The following CADM1 variants were observed in gnomAD, a reference collection of about 807,000 sequenced individuals.
CADM1 encodes cell adhesion molecule 1.
In CADM1, 15 loss-of-function variants were observed where a neutral mutation model predicts 53.1. That is an observed-to-expected ratio of 0.28 (90% CI 0.19 to 0.44). CADM1 has a LOEUF of 0.44. Ranked by LOEUF, CADM1 falls within the 20% of genes least tolerant of loss-of-function variation. The pLI is 1.00. For synonymous variants in CADM1, 281 were observed against 243.0 expected, an observed-to-expected ratio of 1.16 and a Z score of -1.45; for missense variants, 434 against 611.3, an observed-to-expected ratio of 0.71 and a Z score of 3.06.
chr11:115,359,616 A>AAGCTAGT (rs1200615705), intron 1 of CADM1, among the ~76,000 whole-genome samples: 1 of 152,146 alleles, frequency 6.6e-6, no homozygotes, highest in African/African-American at 2.4e-5. Flanking sequence ...ATTCAGCACC[A>AAGCTAGT]AGCTAGTGTG....
chr11:115,463,228 A>G (rs578138364), intron 1 of CADM1, among the ~76,000 whole-genome samples: 1 of 152,250 alleles, frequency 6.6e-6, no homozygotes, highest in Admixed American at 6.5e-5. Flanking sequence ...AACTCATCAA[A>G]CTTATTTTTT....
chr11:115,501,546 A>G (rs1044147085), intron 1 of CADM1, among the ~76,000 whole-genome samples: 1 of 152,218 alleles, frequency 6.6e-6, no homozygotes, highest in Non-Finnish European at 1.5e-5. Context: ...CTGTGGAGTG[A>G]GCTTAAGCAA....
rs180740268 is a variant in CADM1, at chr11:115,491,171, C to T, written c.124+13100G>A. On this transcript the variant is annotated intron_variant, in intron 1 of 11. Transcript: ENST00000331581. The stretch of plus-strand genomic sequence containing the variant: ...AGGAGAAGGGTTAAAAAAAGACAGC[C>T]GATCAGAAGCAAGGTAAGGCATGGT... Among the ~76,000 whole-genome samples, 86 of 151,900 alleles carry T rather than the reference C, an allele frequency of 5.7e-4. 1 individual carries two copies. The highest frequency in any genetic ancestry group is 6.5e-4 in the Non-Finnish European group (44 of 67,970).
At chr11:115,332,467 A>G (rs1945157068) in intron 1 of CADM1, among the ~76,000 whole-genome samples, 1 of 152,212 alleles carries the variant, frequency 6.6e-6, no homozygotes, top group Non-Finnish European at 1.5e-5. Context: ...ATCAAAAGGA[A>G]TGCTCTACTT....
intron 1 of CADM1, among the ~76,000 whole-genome samples, chr11:115,319,559 C>T (rs139323835): frequency 2.0e-5 from 3 of 151,902 alleles, no homozygotes; most frequent in Non-Finnish European, 4.4e-5. Flanking sequence ...ATATAGGTAC[C>T]CTGCCAATTC....
In CADM1 at chr11:115,267,683, T is replaced by C. The variant is rs1295337947; in HGVS notation, c.125-27263A>G. 8.9e-5 allele frequency among the ~76,000 whole-genome samples: 9 copies of C among 101,378 alleles called. No individual in the cohort carries two copies. The South Asian group carries it at 9.7e-4, about 11-fold the overall frequency. 66.5% of individuals were successfully genotyped at this position (101,378 alleles called of 152,430 possible). On this transcript the variant is annotated intron_variant, in intron 1 of 11. Transcript: ENST00000331581. ...AACTAACCTAAAATTGCTTTCTTTT[T>C]TTTTTTTTTTTTTTTCTAAAATTGC...
chr11:115,422,454 A>G (rs1453558553), intron 1 of CADM1, among the ~76,000 whole-genome samples: 1 of 152,208 alleles, frequency 6.6e-6, no homozygotes, highest in African/African-American at 2.4e-5. Flanking sequence ...GATGATCTCC[A>G]ATTACAACAC....
chr11:115,423,098 G>C (rs565131223), intron 1 of CADM1, among the ~76,000 whole-genome samples: 1 of 151,710 alleles, frequency 6.6e-6, no homozygotes, highest in Admixed American at 6.6e-5. Context: ...AGTGCCAACT[G>C]GATAAAATTT....
At chr11:115,444,347 T>C (rs1948398829) in intron 1 of CADM1, among the ~76,000 whole-genome samples, 1 of 152,310 alleles carries the variant, frequency 6.6e-6, no homozygotes, top group African/African-American at 2.4e-5. Context: ...AGTTTACTTA[T>C]TTCTTTTTAA....
At chr11:115,344,536 T>A (rs150328324) in intron 1 of CADM1, among the ~76,000 whole-genome samples, 1 of 152,120 alleles carries the variant, frequency 6.6e-6, no homozygotes, top group Non-Finnish European at 1.5e-5. Context: ...TAACTGTTCA[T>A]AGAACTCCTC....
At chr11:115,281,331 T>C (rs1454877274) in intron 1 of CADM1, among the ~76,000 whole-genome samples, 1 of 152,144 alleles carries the variant, frequency 6.6e-6, no homozygotes, top group African/African-American at 2.4e-5. Flanking sequence ...GGAGTATTAA[T>C]TCAGCCAAAA....
intron 1 of CADM1, among the ~76,000 whole-genome samples, chr11:115,400,661 G>GTATATATATATA (rs372594262): frequency 7.3e-4 from 34 of 46,542 alleles, no homozygotes; most frequent in South Asian, 8.5e-4. Flanking sequence ...GTGTGTGTGT[G>GTATATATATATA]TATATATATA....
chr11:115,484,505 T>C (rs993759877), intron 1 of CADM1, among the ~76,000 whole-genome samples: 6 of 152,210 alleles, frequency 3.9e-5, no homozygotes, highest in Admixed American at 3.3e-4. Flanking sequence ...TGAGGTTTAT[T>C]AAGTTTCTCT....
chr11:115,178,626 T>A lies in CADM1; in HGVS notation c.1297+18A>T, dbSNP rs752373195. 1 of 1,611,986 alleles carries A rather than the reference T, an allele frequency of 6.2e-7. No individual in the cohort carries two copies. The highest frequency in any genetic ancestry group is 1.3e-5 in the African/African-American group (1 of 75,036). ...GCTGTGGGGACACGCTGCTTCTGTC[T>A]GCTGAAGCTTTGCTTACCTTTATGT... On this transcript the variant is annotated intron_variant, in intron 11 of 11. Coordinates refer to ENST00000331581, the MANE Select transcript of CADM1 (RefSeq NM_001301043.2).
chr11:115,238,253 C>A (rs1019460511), intron 3 of CADM1, among the ~76,000 whole-genome samples: 1 of 152,130 alleles, frequency 6.6e-6, no homozygotes, highest in East Asian at 1.9e-4. Context: ...GCTCTAAATT[C>A]TCTTGATCTT....
intron 1 of CADM1, among the ~76,000 whole-genome samples, chr11:115,269,887 C>T (rs1434296433): frequency 6.6e-6 from 1 of 152,128 alleles, no homozygotes; most frequent in Admixed American, 6.5e-5. Context: ...TTAAGAACAA[C>T]CTCTCTACTC....
chr11:115,453,648 C>T (rs1246051782), intron 1 of CADM1, among the ~76,000 whole-genome samples: 1 of 151,950 alleles, frequency 6.6e-6, no homozygotes, highest in East Asian at 1.9e-4. Flanking sequence ...ACAGGCATGC[C>T]CCAACACACC....
intron 1 of CADM1, among the ~76,000 whole-genome samples, chr11:115,435,165 T>C (rs1221726867): frequency 6.6e-6 from 1 of 151,908 alleles, no homozygotes; most frequent in East Asian, 1.9e-4. Flanking sequence ...CTGGCCCTCT[T>C]AGGATTATTG....
At chr11:115,408,922 C>T (rs1463876979) in intron 1 of CADM1, among the ~76,000 whole-genome samples, 8 of 152,140 alleles carry the variant, frequency 5.3e-5, no homozygotes, top group African/African-American at 1.9e-4. Flanking sequence ...AATAGATTTT[C>T]GTTTTAATCC....
Sources: allele counts gnomAD v4.1 joint callset (sites outside exome capture counted in the v4.1 genomes callset), GRCh38; gene constraint gnomAD v4.1.1; transcripts MANE v1.5; gene names NCBI Gene and HGNC (gene_info 2026-07-23, HGNC 2026-07-21).